SMURF1: variants seen among roughly 807,000 people sequenced by gnomAD.
SMURF1 encodes E3 ubiquitin-protein ligase SMURF1.
SMURF1 carries 44 observed loss-of-function variants against 98.0 expected under a neutral mutation model. That is an observed-to-expected ratio of 0.45 (90% confidence interval 0.35 to 0.58). The LOEUF is 0.58. Ranked by LOEUF, SMURF1 falls within the 20% of genes least tolerant of loss-of-function variation. SMURF1 has a pLI of 0.00. For missense variants in SMURF1, 687 were observed against 938.4 expected, an observed-to-expected ratio of 0.73 and a Z score of 3.50; for synonymous variants, 396 against 374.9, an observed-to-expected ratio of 1.06 and a Z score of -0.65.
At chr7:99,055,175 G>A (rs1795850320) in intron 5 of SMURF1, among the ~76,000 whole-genome samples, 1 of 151,962 alleles carries the variant, frequency 6.6e-6, no homozygotes, top group Non-Finnish European at 1.5e-5. Context: ...TTTTTAAGAA[G>A]ACTTTTTTTG....
chr7:99,089,853 T>G (rs554145951), intron 1 of SMURF1, among the ~76,000 whole-genome samples: 5 of 152,312 alleles, frequency 3.3e-5, no homozygotes, highest in Admixed American at 6.5e-5. Context: ...CAAACCCACC[T>G]ACATGGATCT....
chr7:99,035,420 A>G, intron 16 of SMURF1, 95 bp downstream of exon 16: 1 of 1,374,458 alleles, frequency 7.3e-7, no homozygotes. Context: ...TTTCTAGCAC[A>G]CATCTCAGAA....
Position 99,042,075 on chromosome 7 carries a change from TTC to T in SMURF1, c.1371+41_1371+42del, listed in dbSNP as rs764952287. The T allele has an allele frequency of 2.7e-6, 4 of 1,491,480 alleles. No individual in the cohort carries two copies. The African/African-American group carries it at 5.5e-5, about 21-fold the overall frequency. 92.4% of individuals were successfully genotyped at this position (1,491,480 alleles called of 1,614,324 possible). On this transcript the variant is annotated intron_variant, in intron 12 of 17. Transcript: ENST00000361368. ...TGAAACTGAAAATCCATCTCAAAAC[TTC>T]TCCAACTCAATTCCCTACCTCTTTG...
Position 99,049,241 on chromosome 7 carries a change from C to T in SMURF1, c.953+322G>A, listed in dbSNP as rs182504362. 2.0e-4 allele frequency: 59 copies of T among 296,124 alleles called. No homozygotes were observed. The East Asian group carries it at 5.0e-3, about 25-fold the overall frequency. 18.3% of individuals were successfully genotyped at this position (296,124 alleles called of 1,614,324 possible). On this transcript the variant is annotated intron_variant, in intron 9 of 17. Transcript: ENST00000361368. The stretch of plus-strand genomic sequence containing the variant: ...ACTAGGGGGATAGCACGTATCTCTA[C>T]TTCTCAACCTAAGGGCCACGTGTCT...
At chr7:99,045,868 G>GATAATGGA (rs1342248959) in intron 10 of SMURF1, 67 bp from the exon 11 acceptor site, 12 of 1,247,476 alleles carry the variant, frequency 9.6e-6, no homozygotes, top group Non-Finnish European at 1.2e-5. Flanking sequence ...AAAGGTCATT[G>GATAATGGA]ATAATGGAGC....
intron 6 of SMURF1, among the ~76,000 whole-genome samples, chr7:99,053,726 G>A (rs764114113): frequency 2.0e-5 from 3 of 152,114 alleles, no homozygotes; most frequent in Non-Finnish European, 4.4e-5. Context: ...GTTAATGTTG[G>A]ATCATCTCTC....
intron 17 of SMURF1, among the ~76,000 whole-genome samples, chr7:99,032,484 C>T (rs1268885543): frequency 6.6e-6 from 1 of 152,232 alleles, no homozygotes. Context: ...GCCTGGCCAA[C>T]ATGGCAAAAC....
At chr7:99,126,210 A>G (rs764895225) in intron 1 of SMURF1, among the ~76,000 whole-genome samples, 22 of 152,202 alleles carry the variant, frequency 1.4e-4, no homozygotes, top group Non-Finnish European at 2.2e-4. Context: ...GTTGGTATTT[A>G]TCTTCCTTTA....
chr7:99,054,903 G>A (rs558740661), intron 5 of SMURF1, 38 bp from the exon 6 acceptor site: 80 of 1,582,326 alleles, frequency 5.1e-5, no homozygotes, highest in Middle Eastern at 1.7e-4. Context: ...AAAACCCAGC[G>A]GGGTTTACAT....
chr7:99,038,216 T>G (rs1795228363), intron 14 of SMURF1, among the ~76,000 whole-genome samples, 172 bp downstream of exon 14: 1 of 152,176 alleles, frequency 6.6e-6, no homozygotes, highest in African/African-American at 2.4e-5. Context: ...AGCAGATCCC[T>G]GACGCTGCTG....
intron 1 of SMURF1, among the ~76,000 whole-genome samples, chr7:99,108,870 A>T (rs907352312): frequency 2.6e-5 from 4 of 152,166 alleles, no homozygotes; most frequent in African/African-American, 9.7e-5. Context: ...GCGTGACCGG[A>T]AATTTGGAAG....
intron 1 of SMURF1, among the ~76,000 whole-genome samples, chr7:99,126,348 C>CT (rs765375466): frequency 1.5e-3 from 217 of 142,648 alleles, no homozygotes; most frequent in Admixed American, 4.7e-3. Flanking sequence ...GCATATATTC[C>CT]TTTTTTTTTT....
At chr7:99,048,799 G>A (rs929669760) in intron 9 of SMURF1, 1 of 152,208 alleles carries the variant, frequency 6.6e-6, no homozygotes, top group African/African-American at 2.4e-5. Flanking sequence ...GGTTAAAAGA[G>A]CTATGTCGGG....
rs563875430 is a variant in SMURF1 at position 99,070,534 on chromosome 7, A to G, written c.56-8697T>C. 1.3e-4 allele frequency among the ~76,000 whole-genome samples: 20 copies of G among 152,298 alleles called. No homozygotes were observed. In the South Asian group the frequency reaches 4.1e-3, roughly 32 times the overall value. On this transcript the variant is annotated intron_variant, in intron 1 of 17. Coordinates refer to ENST00000361368, the MANE Select transcript of SMURF1 (RefSeq NM_181349.3). The stretch of plus-strand genomic sequence containing the variant: ...TGCATTCTTCTTAATGCCTAGCTCC[A>G]CTGAAGCAAGTACTGTGTCTTTTAT...
At chr7:99,094,338 A>C (rs1796896045) in intron 1 of SMURF1, among the ~76,000 whole-genome samples, 1 of 151,980 alleles carries the variant, frequency 6.6e-6, no homozygotes, top group Admixed American at 6.5e-5. Context: ...TATCAACTTA[A>C]ATTTTAAATA....
chr7:99,035,364 T>C (rs1270513455), intron 16 of SMURF1, 151 bp downstream of exon 16: 4 of 990,722 alleles, frequency 4.0e-6, no homozygotes, highest in Admixed American at 2.4e-5. Context: ...GGTAACCACC[T>C]CTGTAGGGCA....
chr7:99,074,047 C>T (rs1796395019), intron 1 of SMURF1, among the ~76,000 whole-genome samples: 1 of 152,218 alleles, frequency 6.6e-6, no homozygotes, highest in African/African-American at 2.4e-5. Flanking sequence ...ACAACACACA[C>T]ATTTATGAAT....
chr7:99,077,007 A>C (rs1053224983), intron 1 of SMURF1, among the ~76,000 whole-genome samples: 1 of 151,936 alleles, frequency 6.6e-6, no homozygotes, highest in Non-Finnish European at 1.5e-5. Context: ...AAAAAAAACA[A>C]AAAAGGTTAC....
At chr7:99,097,507 A>G (rs1349556944) in intron 1 of SMURF1, among the ~76,000 whole-genome samples, 2 of 152,268 alleles carry the variant, frequency 1.3e-5, no homozygotes, top group East Asian at 3.9e-4. Flanking sequence ...TGTGAGTTCA[A>G]TCTCTTGCTC....
Sources: gnomAD v4.1 joint callset for allele counts (sites outside exome capture counted in the v4.1 genomes callset) on GRCh38, gnomAD v4.1.1 for gene constraint, MANE v1.5 for transcripts, NCBI Gene and HGNC (gene_info 2026-07-23, HGNC 2026-07-21) for gene names.